Variants in SH2B1 observed in about 807,000 individuals in gnomAD.
SH2B1 encodes the protein SH2B adaptor protein 1.
In SH2B1, 15 loss-of-function variants were observed where a neutral mutation model predicts 62.6. The ratio of observed to expected loss-of-function variants is 0.24; its 90% CI spans 0.16 to 0.37. The LOEUF (loss-of-function observed/expected upper bound fraction) is 0.37. Among genes scored for constraint, SH2B1 ranks in the 10% least tolerant of loss-of-function variants. The probability of loss-of-function intolerance (pLI) is 1.00; values close to 1 mark genes in which losing one functional copy is unlikely to be tolerated. For missense variants in SH2B1, 925 were observed against 1,015.6 expected, an observed-to-expected ratio of 0.91 and a Z score of 1.21; for synonymous variants, 443 against 438.0, an observed-to-expected ratio of 1.01 and a Z score of -0.14.
intron 1 of SH2B1, among the ~76,000 whole-genome samples, chr16:28,848,636 T>C (rs1962035566): frequency 6.7e-6 from 1 of 148,918 alleles, no homozygotes; most frequent in East Asian, 2.0e-4. Context: ...CCACCACCAC[T>C]AAACCCCAAA....
intron 1 of SH2B1, among the ~76,000 whole-genome samples, chr16:28,858,152 T>C (rs114045059): frequency 0.024 from 3,615 of 152,178 alleles, 150 homozygotes; most frequent in African/African-American, 0.082. Flanking sequence ...ACAAGGTTGG[T>C]CTTTCTGGTG....
rs780866829 is a variant in SH2B1 at position 28,871,866 on chromosome 16, G to A, written c.1396G>A (p.Glu466Lys). 3 of 1,610,116 alleles carry A rather than the reference G, an allele frequency of 1.9e-6. No individual in the cohort carries two copies. The highest frequency in any genetic ancestry group is 2.2e-5 in the East Asian group (1 of 44,860). ...SIAASHFDSM[E>K]LLPPELPPRI... The stretch of plus-strand genomic sequence containing the variant: ...TGCCGCCTCCCATTTTGACTCGATG[G>A]AACTGCTTCCCCCAGAGTTGCCCCC... Residue 466 changes from glutamate to lysine, a missense_variant, in exon 5 of 8, where the codon GAA (glutamate) becomes AAA (lysine). By Grantham distance (56) the Glu-to-Lys change is moderately conservative (BLOSUM62 1). Transcript: ENST00000684370.
chr16:28,867,978 A>T (rs1424123559), intron 2 of SH2B1, among the ~76,000 whole-genome samples: 1 of 151,602 alleles, frequency 6.6e-6, no homozygotes, highest in East Asian at 1.9e-4. Flanking sequence ...ACAGGCATGC[A>T]CCACTATGCC....
At chr16:28,860,453 G>C (rs1962418817), upstream of SH2B1, among the ~76,000 whole-genome samples, 1 of 151,938 alleles carries the variant, frequency 6.6e-6, no homozygotes, top group South Asian at 2.1e-4. Flanking sequence ...ATGTTGGCCA[G>C]GCGGGTCTCA....
At chr16:28,846,641 T>A (rs1490683081), upstream of SH2B1, 1 of 291,786 alleles carries the variant, frequency 3.4e-6, no homozygotes, top group East Asian at 7.8e-5. Flanking sequence ...GTGGAGGTGA[T>A]CAGAGTGGGA....
Position 28,873,386 on chromosome 16 carries a change from G to A in SH2B1, c.1898-61G>A, listed in dbSNP as rs1963156627. 6.3e-7 allele frequency: 1 copy of A among 1,581,410 alleles called. No individual in the cohort carries two copies. The highest frequency in any genetic ancestry group is 1.4e-5 in the African/African-American group (1 of 73,514). Reference sequence around the variant, plus strand: ...CTCCTGGGGGGCTGAGTGAAGGGGAGGCCACGGCAGGAGCTCACCTGCCTC... The same window carrying A: ...CTCCTGGGGGGCTGAGTGAAGGGGAAGCCACGGCAGGAGCTCACCTGCCTC... On this transcript the variant is annotated intron_variant, in intron 7 of 7. Transcript: ENST00000684370. This position sits in a 1 kb window ranked among gnomAD's most constrained non-coding sequence, Gnocchi z 4.2.
chr16:28,864,575 T>TA lies in SH2B1; in HGVS notation c.-1519dup. 1 of 985,654 alleles carries TA rather than the reference T, an allele frequency of 1.0e-6. No homozygotes were observed. The highest frequency in any genetic ancestry group is 1.2e-6 in the Non-Finnish European group (1 of 830,064). 61.1% of individuals were successfully genotyped at this position (985,654 alleles called of 1,614,324 possible). On this transcript the variant is annotated 5_prime_UTR_variant, in exon 1 of 8. Transcript: ENST00000684370. The stretch of plus-strand genomic sequence containing the variant: ...GGAGGAAGGGGAGGGTTCACCGACT[T>TA]ACAGCCTGGCTGTAGGTTTGAACAG...
At position 28,872,996 on chromosome 16, in the gene SH2B1, C is replaced by T; in HGVS notation, c.1897+291C>T. ...TTCCATTGTCTGTCTGTCTCCTGGA[C>T]CCATCCTGGCCTCGTCTTTGCCCTC... On this transcript the variant is annotated intron_variant, in intron 7 of 7. Transcript: ENST00000684370. This position sits in a 1 kb window ranked among gnomAD's most constrained non-coding sequence, Gnocchi z 5.3. 1 of 636,032 alleles carries T rather than the reference C, an allele frequency of 1.6e-6. No individual in the cohort carries two copies. Among genetic ancestry groups the T allele is most frequent in the Non-Finnish European group, 2.7e-6 (1 of 367,616 alleles). The allele number at this position is 636,032 out of a possible 1,614,324, so 39.4% of individuals were successfully genotyped here. A position where few individuals can be genotyped will look rare whatever the true frequency, so the allele number is the denominator to read the frequency against.
At position 28,858,096 on chromosome 16, in the gene SH2B1, C is replaced by T. The variant is rs144583381; in HGVS notation, c.-300-3522C>T. Among the ~76,000 whole-genome samples, 241 of 152,272 alleles carry T rather than the reference C, an allele frequency of 1.6e-3. 1 individual carries two copies. The highest frequency in any genetic ancestry group is 3.4e-3 in the Middle Eastern group (1 of 294). On this transcript the variant is annotated intron_variant, in intron 1 of 10. Coordinates refer to the SH2B1 transcript ENST00000322610. Reference sequence around the variant, plus strand: ...ATTGGTCTTACCCTTCAGGCCCCCTCCCCTCCCTGGGGGTTGGGCTGGCTC... The same window carrying T: ...ATTGGTCTTACCCTTCAGGCCCCCTTCCCTCCCTGGGGGTTGGGCTGGCTC...
At chr16:28,863,706 C>T (rs1962527328), upstream of SH2B1, 1 of 1,535,726 alleles carries the variant, frequency 6.5e-7, no homozygotes, top group African/African-American at 1.4e-5. Context: ...ACGAGATTCA[C>T]ACCGTCTTCG....
Position 28,865,812 on chromosome 16 carries a change from G to A in SH2B1, c.-283G>A, listed in dbSNP as rs1962652357. 3.2e-6 allele frequency: 4 copies of A among 1,234,838 alleles called. 1 individual carries two copies. The highest frequency in any genetic ancestry group is 2.9e-5 in the South Asian group (1 of 34,906). 76.5% of individuals were successfully genotyped at this position (1,234,838 alleles called of 1,614,324 possible). A position where few individuals can be genotyped will look rare whatever the true frequency, so the allele number is the denominator to read the frequency against. On this transcript the variant is annotated 5_prime_UTR_variant, in exon 1 of 8. Transcript: ENST00000684370. ...GGCAAATGTGGCAGGCTCGGGGCAG[G>A]TTAGACGCTGGGGAGCCAGTTGGCT... is the stretch of plus-strand genomic sequence containing the variant.
At chr16:28,867,146 A>G in intron 1 of SH2B1, 113 bp downstream of exon 1, 1 of 1,480,904 alleles carries the variant, frequency 6.8e-7, no homozygotes, top group Non-Finnish European at 9.2e-7. Context: ...GGTGTCGCTC[A>G]CTTTTTGTTG....
intron 1 of SH2B1, among the ~76,000 whole-genome samples, chr16:28,851,909 A>G (rs1170351596): frequency 6.7e-6 from 1 of 150,354 alleles, no homozygotes; most frequent in Non-Finnish European, 1.5e-5. Flanking sequence ...TCTATTAAAA[A>G]TACAAAAAAT....
Position 28,872,934 on chromosome 16 carries a change from G to A in SH2B1, c.1897+229G>A. 2 of 665,004 alleles carry A rather than the reference G, an allele frequency of 3.0e-6. No homozygotes were observed. Among genetic ancestry groups the A allele is most frequent in the East Asian group, 2.7e-5 (1 of 36,848 alleles). The allele number at this position is 665,004 out of a possible 1,614,324, so 41.2% of individuals were successfully genotyped here. On this transcript the variant is annotated intron_variant, in intron 7 of 7. Transcript: ENST00000684370. This position sits in a 1 kb window ranked among gnomAD's most constrained non-coding sequence, Gnocchi z 5.3. ...GCCGGAGCCGGGGCGGCAGCTGAGA[G>A]GTGGGCGGGCGCATCCCCATTCCAT...
In SH2B1 at chr16:28,852,826, A is replaced by ATTTATATATATATACATATATATATT. The variant is rs1962193046; in HGVS notation, c.-301+6011_-301+6036dup. ...TATATTTACATATATTTACATATAT[A>ATTTATATATATATACATATATATATT]TTTATATATATATACATATATATAT... On this transcript the variant is annotated intron_variant, in intron 1 of 10. Transcript: ENST00000322610. Among the ~76,000 whole-genome samples the ATTTATATATATATACATATATATATT allele has an allele frequency of 7.4e-5, 3 of 40,578 alleles. 1 individual carries two copies. The highest frequency in any genetic ancestry group is 1.1e-4 in the Non-Finnish European group (3 of 26,782). 26.6% of individuals were successfully genotyped at this position (40,578 alleles called of 152,430 possible). A position where few individuals can be genotyped will look rare whatever the true frequency, so the allele number is the denominator to read the frequency against.
upstream of SH2B1, among the ~76,000 whole-genome samples, chr16:28,861,374 G>A (rs1035841311): frequency 5.3e-5 from 8 of 151,470 alleles, no homozygotes; most frequent in Admixed American, 3.3e-4. Flanking sequence ...CTCATGATGC[G>A]CCCGCCTCAG....
chr16:28,871,517 C>T (rs1489733454), intron 4 of SH2B1, among the ~76,000 whole-genome samples: 2 of 152,226 alleles, frequency 1.3e-5, no homozygotes, highest in Non-Finnish European at 2.9e-5. Context: ...CTGCAACAGT[C>T]TTTCAGCTGT....
Position 28,867,311 on chromosome 16 carries a change from G to A in SH2B1, c.940-20G>A. The stretch of plus-strand genomic sequence containing the variant: ...CTTTGGAAACCAAACACCCAGATCT[G>A]TTTCTTTCTCCTGACTTAGGCCTCT... On this transcript the variant is annotated intron_variant, in intron 1 of 7. Transcript: ENST00000684370. 6.3e-7 allele frequency: 1 copy of A among 1,587,882 alleles called. No homozygotes were observed. The highest frequency in any genetic ancestry group is 8.6e-7 in the Non-Finnish European group (1 of 1,156,706).
rs761087795 is a variant in SH2B1, at chr16:28,865,376, T to C, written c.-719T>C. The C allele has an allele frequency of 2.0e-6, 2 of 985,680 alleles. No homozygotes were observed. Among genetic ancestry groups the C allele is most frequent in the Non-Finnish European group, 2.4e-6 (2 of 830,016 alleles). 61.1% of individuals were successfully genotyped at this position (985,680 alleles called of 1,614,324 possible). A position where few individuals can be genotyped will look rare whatever the true frequency, so the allele number is the denominator to read the frequency against. On this transcript the variant is annotated 5_prime_UTR_variant, in exon 1 of 8. It removes an upstream start codon present in the reference 5' UTR. Transcript: ENST00000684370. The stretch of plus-strand genomic sequence containing the variant: ...TCCATCATGCATCCATCCTCATTAA[T>C]GAATCGGCCCCCTCCAAAGAGTTGG...
Sources: allele counts gnomAD v4.1 joint callset (sites outside exome capture counted in the v4.1 genomes callset), GRCh38; gene constraint gnomAD v4.1.1; non-coding constraint Gnocchi (gnomAD v3.1); transcripts MANE v1.5; gene names NCBI Gene and HGNC (gene_info 2026-07-23, HGNC 2026-07-21).